ARHGAP40: variants seen among roughly 807,000 people sequenced by gnomAD.
ARHGAP40 encodes rho GTPase-activating protein 40.
A neutral mutation model predicts 73.5 loss-of-function variants in ARHGAP40; 43 were observed. That is an observed-to-expected ratio of 0.58 (90% CI 0.46 to 0.75). The LOEUF (loss-of-function observed/expected upper bound fraction) is 0.75, where lower values mean the gene tolerates loss of function less well. Ranked by LOEUF, ARHGAP40 falls within the 30% of genes least tolerant of loss-of-function variation. The probability of loss-of-function intolerance (pLI) is 0.00; values close to 1 mark genes in which losing one functional copy is unlikely to be tolerated. For synonymous variants in ARHGAP40, 300 were observed against 352.8 expected, an observed-to-expected ratio of 0.85 and a Z score of 1.68; for missense variants, 734 against 861.8, an observed-to-expected ratio of 0.85 and a Z score of 1.86.
exon 3 of ARHGAP40, chr20:38,627,009 T>A (rs1257785799): frequency 7.7e-7 from 1 of 1,304,142 alleles, no homozygotes; most frequent in Non-Finnish European, 1.0e-6. Context: ...GGAAGCTGAA[T>A]CCCAGTGGCT....
chr20:38,603,482 CATCT>C (rs983566202), intron 1 of ARHGAP40, among the ~76,000 whole-genome samples: 25 of 147,678 alleles, frequency 1.7e-4, no homozygotes, highest in Non-Finnish European at 2.3e-4. Context: ...CTAATCTATC[CATCT>C]ATCTATCTAT....
chr20:38,648,453 C>T (rs554545208), intron 13 of ARHGAP40, among the ~76,000 whole-genome samples, 190 bp from the exon 14 acceptor site: 5 of 152,334 alleles, frequency 3.3e-5, no homozygotes, highest in African/African-American at 1.2e-4. Flanking sequence ...CTCTCCCCAG[C>T]CCCTGGGTGC....
At chr20:38,603,149 C>T (rs144387255) in intron 1 of ARHGAP40, among the ~76,000 whole-genome samples, 4 of 152,344 alleles carry the variant, frequency 2.6e-5, no homozygotes, top group African/African-American at 9.6e-5. Flanking sequence ...GAAGACTAGA[C>T]GTGGTCTGTA....
At chr20:38,607,961 A>G (rs186304941) in intron 1 of ARHGAP40, among the ~76,000 whole-genome samples, 1 of 151,514 alleles carries the variant, frequency 6.6e-6, no homozygotes, top group East Asian at 1.9e-4. Context: ...CTTTCCAGGA[A>G]CTCTTTATAT....
exon 1 of ARHGAP40, chr20:38,601,851 G>T: frequency 7.9e-7 from 1 of 1,258,732 alleles, no homozygotes; most frequent in South Asian, 1.3e-5. Context: ...CGCCACGGGG[G>T]CCCTACCTCA....
chr20:38,610,774 C>T (rs932010665), intron 1 of ARHGAP40, among the ~76,000 whole-genome samples: 3 of 151,950 alleles, frequency 2.0e-5, no homozygotes, highest in Admixed American at 6.6e-5. Context: ...CAGAGTTGCT[C>T]GTAGGGGTGT....
At chr20:38,623,393 C>T (rs2088883595) in exon 2 of ARHGAP40, 1 of 1,290,690 alleles carries the variant, frequency 7.7e-7, no homozygotes, top group South Asian at 1.2e-5. Flanking sequence ...GGATCAGCTT[C>T]CCCAGAAGAA....
intron 5 of ARHGAP40, 80 bp downstream of exon 5, chr20:38,629,730 C>T: frequency 2.4e-6 from 3 of 1,227,466 alleles, no homozygotes; most frequent in Non-Finnish European, 2.1e-6. Flanking sequence ...ACACCTTCCA[C>T]ACTGACAGGC....
chr20:38,640,653 C>T (rs1467835478), intron 9 of ARHGAP40, among the ~76,000 whole-genome samples: 1 of 152,162 alleles, frequency 6.6e-6, no homozygotes. Context: ...TATTTCTGGC[C>T]CCCTTTCCTC....
chr20:38,627,620 T>G (rs1337384762), intron 3 of ARHGAP40, among the ~76,000 whole-genome samples: 27 of 120,522 alleles, frequency 2.2e-4, no homozygotes, highest in South Asian at 5.5e-4. Context: ...TGTGTGTTGG[T>G]GTGTGTGTGT....
chr20:38,610,015 A>G (rs2088795019), intron 1 of ARHGAP40, among the ~76,000 whole-genome samples: 1 of 152,244 alleles, frequency 6.6e-6, no homozygotes, highest in African/African-American at 2.4e-5. Context: ...CCCCTAGGCC[A>G]GCCTAAGAGG....
At chr20:38,639,139 A>G in intron 8 of ARHGAP40, 88 bp from the exon 9 acceptor site, 1 of 1,249,054 alleles carries the variant, frequency 8.0e-7, no homozygotes, top group South Asian at 1.3e-5. Flanking sequence ...CACTTTGCAG[A>G]TGAGGAAACC....
rs377566567 is a variant in ARHGAP40 at position 38,643,926 on chromosome 20, C to T, written c.1569+16C>T. 154 of 1,282,934 alleles carry T rather than the reference C, an allele frequency of 1.2e-4. No homozygotes were observed. Among genetic ancestry groups the T allele is most frequent in the Admixed American group, 1.9e-4 (8 of 42,512 alleles). The allele number at this position is 1,282,934 out of a possible 1,614,324, so 79.5% of individuals were successfully genotyped here. A position where few individuals can be genotyped will look rare whatever the true frequency, so the allele number is the denominator to read the frequency against. On this transcript the variant is annotated intron_variant, in intron 11 of 14. Transcript: ENST00000373345. ...GCTGTGGACGGTGAGTGCTGCTGGG[C>T]GCTGGGTATCCCTCTGGGTGCAGCT... is the stretch of plus-strand genomic sequence containing the variant.
chr20:38,614,612 C>A (rs2088823987), intron 1 of ARHGAP40, among the ~76,000 whole-genome samples: 1 of 152,300 alleles, frequency 6.6e-6, no homozygotes, highest in South Asian at 2.1e-4. Context: ...ATGCAGGAGA[C>A]CCAAGCGGCT....
chr20:38,610,895 C>T (rs6070760), intron 1 of ARHGAP40, among the ~76,000 whole-genome samples: 629 of 104,942 alleles, frequency 6.0e-3, no homozygotes, highest in Middle Eastern at 0.015. Context: ...TTTTTTTTTT[C>T]TTTTTTTTTT....
intron 5 of ARHGAP40, among the ~76,000 whole-genome samples, chr20:38,631,873 C>T (rs2088941580): frequency 6.6e-6 from 1 of 152,186 alleles, no homozygotes. Context: ...AAAAACAGAA[C>T]TCCCACGTAC....
At chr20:38,624,267 G>A (rs1157819739) in intron 2 of ARHGAP40, among the ~76,000 whole-genome samples, 2 of 152,156 alleles carry the variant, frequency 1.3e-5, no homozygotes, top group Non-Finnish European at 2.9e-5. Flanking sequence ...GCCTCCACAT[G>A]TGGCCTGGGC....
intron 1 of ARHGAP40, among the ~76,000 whole-genome samples, chr20:38,610,682 G>A (rs2088799218): frequency 6.6e-6 from 1 of 152,176 alleles, no homozygotes; most frequent in Admixed American, 6.5e-5. Context: ...ATTGGTTAGA[G>A]GAGTGAAGCT....
At chr20:38,610,344 G>A (rs972391243) in intron 1 of ARHGAP40, among the ~76,000 whole-genome samples, 10 of 152,138 alleles carry the variant, frequency 6.6e-5, no homozygotes, top group Non-Finnish European at 1.5e-4. Context: ...AGGGAGTCAC[G>A]TGGCAGAGTG....
Sources: gnomAD v4.1 joint callset for allele counts (sites outside exome capture counted in the v4.1 genomes callset) on GRCh38, gnomAD v4.1.1 for gene constraint, MANE v1.5 for transcripts, NCBI Gene and HGNC (gene_info 2026-07-23, HGNC 2026-07-21) for gene names.